Variants in ROBO2 observed in about 807,000 individuals in gnomAD.
The protein encoded by ROBO2 is roundabout guidance receptor 2.
Under a neutral mutation model 160.8 loss-of-function variants are expected in ROBO2, and 53 were observed. The ratio of observed to expected loss-of-function variants is 0.33; its 90% CI spans 0.26 to 0.41. The LOEUF is 0.41. ROBO2 is among the 10% of genes least tolerant of loss of function. The pLI, the probability that ROBO2 is intolerant of heterozygous loss-of-function variation, is 1.00. For missense variants in ROBO2, 1,577 were observed against 1,722.4 expected, an observed-to-expected ratio of 0.92 and a Z score of 1.49; for synonymous variants, 664 against 611.7, an observed-to-expected ratio of 1.09 and a Z score of -1.26.
chr3:76,015,204 A>T (rs971839442), intron 2 of ROBO2, among the ~76,000 whole-genome samples: 1 of 152,214 alleles, frequency 6.6e-6, no homozygotes, highest in South Asian at 2.1e-4. Context: ...CCAAATTACA[A>T]ATGGCTACAT....
chr3:76,751,863 C>T (rs1054542739), intron 2 of ROBO2, among the ~76,000 whole-genome samples: 3 of 152,002 alleles, frequency 2.0e-5, no homozygotes, highest in Non-Finnish European at 2.9e-5. Context: ...ACTAGTTCAA[C>T]CATTGTGGAA....
intron 6 of ROBO2, among the ~76,000 whole-genome samples, chr3:77,528,783 T>C (rs2091402921): frequency 6.6e-6 from 1 of 151,690 alleles, no homozygotes; most frequent in East Asian, 1.9e-4. Context: ...TGGTTCACAA[T>C]TAATTGAAAC....
At chr3:77,644,857 T>A in exon 25 of ROBO2, 1 of 1,614,062 alleles carries the variant, frequency 6.2e-7, no homozygotes, top group Non-Finnish European at 8.5e-7. Flanking sequence ...CTTCTTGACA[T>A]AGGATATATG....
chr3:76,796,227 TGA>T (rs1387574783), intron 2 of ROBO2, among the ~76,000 whole-genome samples: 1 of 152,052 alleles, frequency 6.6e-6, no homozygotes, highest in Admixed American at 6.6e-5. Context: ...TTTCTAGCTA[TGA>T]GAGTCTTAGG....
intron 2 of ROBO2, among the ~76,000 whole-genome samples, chr3:76,070,819 A>G (rs1576732695): frequency 6.6e-6 from 1 of 152,250 alleles, no homozygotes; most frequent in African/African-American, 2.4e-5. Context: ...TAGGGAAAAT[A>G]GAAAAGAACC....
At chr3:76,780,598 T>C (rs1289506680) in intron 2 of ROBO2, among the ~76,000 whole-genome samples, 2 of 150,858 alleles carry the variant, frequency 1.3e-5, no homozygotes, top group East Asian at 3.9e-4. Flanking sequence ...CATTTTGAGT[T>C]GATTTTTGTG....
At chr3:76,894,874 C>T (rs1278360043) in intron 2 of ROBO2, among the ~76,000 whole-genome samples, 1 of 152,016 alleles carries the variant, frequency 6.6e-6, no homozygotes, top group Non-Finnish European at 1.5e-5. Flanking sequence ...TTCAATTCAA[C>T]CAGAAACAAA....
intron 2 of ROBO2, among the ~76,000 whole-genome samples, chr3:76,601,596 G>A (rs113365628): frequency 1.4e-3 from 220 of 152,276 alleles, no homozygotes; most frequent in African/African-American, 5.0e-3. Context: ...AGTCACGGCC[G>A]GAGTGGCTGG....
chr3:75,977,184 C>T (rs138439718), intron 2 of ROBO2, among the ~76,000 whole-genome samples: 1 of 151,644 alleles, frequency 6.6e-6, no homozygotes, highest in East Asian at 2.0e-4. Flanking sequence ...GAATTCTCAC[C>T]TGGCCTTACT....
intron 2 of ROBO2, among the ~76,000 whole-genome samples, chr3:76,874,448 A>G (rs943904483): frequency 6.6e-6 from 1 of 152,180 alleles, no homozygotes; most frequent in African/African-American, 2.4e-5. Flanking sequence ...CTACATAAGA[A>G]ATTCCAGGGA....
intron 2 of ROBO2, among the ~76,000 whole-genome samples, chr3:77,252,769 C>T (rs1174960451): frequency 3.7e-4 from 48 of 129,384 alleles, no homozygotes; most frequent in African/African-American, 1.3e-3. Context: ...GATCGCGCCC[C>T]TGCACTCCAG....
At chr3:76,786,224 C>T (rs930523581) in intron 2 of ROBO2, among the ~76,000 whole-genome samples, 5 of 151,092 alleles carry the variant, frequency 3.3e-5, no homozygotes, top group Admixed American at 6.6e-5. Context: ...AATATTCTAC[C>T]TTCATTTGAT....
chr3:77,147,256 A>G (rs1193269927), intron 2 of ROBO2, among the ~76,000 whole-genome samples: 1 of 152,184 alleles, frequency 6.6e-6, no homozygotes, highest in Admixed American at 6.5e-5. Flanking sequence ...TATTAGTTCC[A>G]TGACCTTCGG....
intron 2 of ROBO2, among the ~76,000 whole-genome samples, chr3:76,703,427 A>C (rs1298418278): frequency 6.6e-6 from 1 of 152,132 alleles, no homozygotes; most frequent in African/African-American, 2.4e-5. Context: ...CAGGTTTGTT[A>C]CATAAGTATA....
intron 2 of ROBO2, among the ~76,000 whole-genome samples, chr3:76,831,470 G>A (rs1436720642): frequency 5.9e-5 from 9 of 152,050 alleles, no homozygotes; most frequent in Non-Finnish European, 1.3e-4. Context: ...GTTATATTTT[G>A]AGGCATAAAA....
intron 23 of ROBO2, among the ~76,000 whole-genome samples, chr3:77,626,317 ATGTT>A (rs2095025490): frequency 6.6e-6 from 1 of 152,166 alleles, no homozygotes; most frequent in African/African-American, 2.4e-5. Flanking sequence ...ATTCAGTTCT[ATGTT>A]TATTTAAAGT....
Position 76,556,357 on chromosome 3 carries a change from A to G in ROBO2, c.110-541657A>G, listed in dbSNP as rs368430112. Among the ~76,000 whole-genome samples the G allele has an allele frequency of 2.8e-4, 42 of 152,246 alleles. 2 individuals are homozygous for G. The highest frequency in any genetic ancestry group is 2.7e-3 in the South Asian group (13 of 4,826). On this transcript the variant is annotated intron_variant, in intron 2 of 26. Coordinates refer to the ROBO2 transcript ENST00000487694. ...CCTCAGAAGGGAAAGGGGGTGATGT[A>G]TTTTACAAAGACAATAATACTCAAT...
At chr3:77,099,078 T>C (rs2071538156) in intron 2 of ROBO2, among the ~76,000 whole-genome samples, 1 of 146,660 alleles carries the variant, frequency 6.8e-6, no homozygotes, top group African/African-American at 2.5e-5. Context: ...TTTCTTTTTT[T>C]TTTTTTTTTT....
At chr3:77,601,131 C>A (rs1197640976) in intron 19 of ROBO2, among the ~76,000 whole-genome samples, 1 of 151,998 alleles carries the variant, frequency 6.6e-6, no homozygotes, top group African/African-American at 2.4e-5. Flanking sequence ...AGTAATATTT[C>A]TATAAGAATT....
Sources: gnomAD v4.1 joint callset for allele counts (sites outside exome capture counted in the v4.1 genomes callset) on GRCh38, gnomAD v4.1.1 for gene constraint, MANE v1.5 for transcripts, NCBI Gene and HGNC (gene_info 2026-07-23, HGNC 2026-07-21) for gene names.